Variants in CACNA2D3 observed in about 807,000 individuals in gnomAD.
CACNA2D3 encodes the protein calcium voltage-gated channel auxiliary subunit alpha2delta 3, also known as voltage-dependent calcium channel subunit alpha-2/delta-3.
Under a neutral mutation model 160.6 loss-of-function variants are expected in CACNA2D3, and 60 were observed. The ratio of observed to expected loss-of-function variants is 0.37; its 90% confidence interval spans 0.30 to 0.46. The LOEUF (loss-of-function observed/expected upper bound fraction) is 0.46. Among genes scored for constraint, CACNA2D3 ranks in the 20% least tolerant of loss-of-function variants. CACNA2D3 has a pLI of 1.00. For missense variants in CACNA2D3, 1,205 were observed against 1,365.0 expected, an observed-to-expected ratio of 0.88 and a Z score of 1.85; for synonymous variants, 558 against 492.9, an observed-to-expected ratio of 1.13 and a Z score of -1.75.
intron 27 of CACNA2D3, among the ~76,000 whole-genome samples, chr3:54,966,385 A>G (rs987039254): frequency 2.6e-5 from 4 of 152,220 alleles, no homozygotes; most frequent in African/African-American, 9.6e-5. Context: ...ATTCTCTGAA[A>G]TGTTCTCCAA....
At chr3:54,195,109 G>C (rs1057412372) in intron 2 of CACNA2D3, among the ~76,000 whole-genome samples, 1 of 152,150 alleles carries the variant, frequency 6.6e-6, no homozygotes, top group South Asian at 2.1e-4. Context: ...AATTATTTGA[G>C]GGAGGTTTCC....
intron 2 of CACNA2D3, among the ~76,000 whole-genome samples, chr3:54,290,609 C>T (rs1277436441): frequency 1.3e-5 from 2 of 150,398 alleles, no homozygotes; most frequent in Admixed American, 6.6e-5. Flanking sequence ...CACATGCACA[C>T]GTATGTTTAT....
At chr3:54,217,736 G>A (rs2107372366) in intron 2 of CACNA2D3, among the ~76,000 whole-genome samples, 1 of 152,282 alleles carries the variant, frequency 6.6e-6, no homozygotes, top group Middle Eastern at 3.4e-3. Context: ...ACATGGCCCT[G>A]CTGACATGTT....
At chr3:54,508,719 C>T (rs1036090630) in intron 5 of CACNA2D3, among the ~76,000 whole-genome samples, 4 of 152,174 alleles carry the variant, frequency 2.6e-5, no homozygotes, top group African/African-American at 9.7e-5. Flanking sequence ...TTGCAGGACA[C>T]AGGCTAGACC....
At chr3:54,195,558 C>T (rs1430552370) in intron 2 of CACNA2D3, among the ~76,000 whole-genome samples, 1 of 152,162 alleles carries the variant, frequency 6.6e-6, no homozygotes, top group Non-Finnish European at 1.5e-5. Context: ...CAGTTATAGT[C>T]CCCACTTTTG....
chr3:54,740,317 G>T (rs907074077), intron 11 of CACNA2D3, among the ~76,000 whole-genome samples: 2 of 152,092 alleles, frequency 1.3e-5, no homozygotes, highest in African/African-American at 2.4e-5. Flanking sequence ...TTTCTCTGGG[G>T]CTTCTCAAAA....
intron 13 of CACNA2D3, chr3:54,789,740 T>G (rs1702710586): frequency 1.3e-5 from 6 of 456,408 alleles, no homozygotes; most frequent in Non-Finnish European, 2.6e-5. Context: ...GAGCTTTCTC[T>G]AAAGCTCCTC....
At chr3:54,965,074 C>G (rs545424092) in intron 27 of CACNA2D3, among the ~76,000 whole-genome samples, 1 of 152,204 alleles carries the variant, frequency 6.6e-6, no homozygotes, top group East Asian at 1.9e-4. Flanking sequence ...TGTAAAGGAC[C>G]AATAGTAAAT....
At position 54,581,882 on chromosome 3, in the gene CACNA2D3, G is replaced by A. The variant is rs1439734428; in HGVS notation, c.963+5G>A. 2 of 1,612,934 alleles carry A rather than the reference G, an allele frequency of 1.2e-6. No individual in the cohort carries two copies. The highest frequency in any genetic ancestry group is 1.7e-6 in the Non-Finnish European group (2 of 1,179,326). On this transcript the variant is annotated splice_donor_5th_base_variant and intron_variant, in intron 9 of 37. Coordinates refer to ENST00000474759, the MANE Select transcript of CACNA2D3 (RefSeq NM_018398.3). ...GCCGACAGGACAAACAAAGAGGTAG[G>A]GGCAGCTCGGGGGAGCATTCCAGTC... is the stretch of plus-strand genomic sequence containing the variant.
intron 2 of CACNA2D3, among the ~76,000 whole-genome samples, chr3:54,318,592 A>T (rs939356135): frequency 2.0e-5 from 3 of 151,742 alleles, no homozygotes. Context: ...GAAGAGATCC[A>T]TTTTGAGGAC....
In CACNA2D3 at chr3:54,897,578, G is replaced by A. The variant is rs1408005322; in HGVS notation, c.2368+708G>A. On this transcript the variant is annotated intron_variant, in intron 26 of 37. Coordinates refer to ENST00000474759, the MANE Select transcript of CACNA2D3 (RefSeq NM_018398.3). ...TACTGCTTATTGCAGAAACTTGAGA[G>A]ATGAAGGAAACCTAGTTCTGTAAAC... Among the ~76,000 whole-genome samples the A allele has an allele frequency of 3.3e-5, 5 of 152,110 alleles. No individual in the cohort carries two copies. In the South Asian group the frequency reaches 6.2e-4, roughly 19 times the overall value.
chr3:54,507,485 C>T (rs1701389746), intron 5 of CACNA2D3, among the ~76,000 whole-genome samples: 1 of 152,154 alleles, frequency 6.6e-6, no homozygotes, highest in Non-Finnish European at 1.5e-5. Flanking sequence ...TTACCCCTGC[C>T]CATGCTCTTT....
intron 5 of CACNA2D3, among the ~76,000 whole-genome samples, chr3:54,510,045 G>C (rs1320188352): frequency 6.6e-6 from 1 of 152,166 alleles, no homozygotes; most frequent in Non-Finnish European, 1.5e-5. Context: ...TGTTTAGCCT[G>C]GAAGTTGCAT....
At chr3:54,126,033 G>A (rs1284583300) in intron 2 of CACNA2D3, among the ~76,000 whole-genome samples, 1 of 152,188 alleles carries the variant, frequency 6.6e-6, no homozygotes, top group African/African-American at 2.4e-5. Context: ...ATACTATGTT[G>A]TATAATAGAG....
chr3:54,975,837 G>A (rs1702378612), intron 29 of CACNA2D3, among the ~76,000 whole-genome samples: 1 of 152,034 alleles, frequency 6.6e-6, no homozygotes, highest in Non-Finnish European at 1.5e-5. Flanking sequence ...AGGGAGTCTA[G>A]GAACCTATAA....
In CACNA2D3 at chr3:54,123,599, G is replaced by C; in HGVS notation, c.204+5G>C. 1 of 1,610,812 alleles carries C rather than the reference G, an allele frequency of 6.2e-7. No individual in the cohort carries two copies. Among genetic ancestry groups the C allele is most frequent in the Non-Finnish European group, 8.5e-7 (1 of 1,177,064 alleles). On this transcript the variant is annotated splice_donor_5th_base_variant and intron_variant, in intron 2 of 37. Coordinates refer to ENST00000474759, the MANE Select transcript of CACNA2D3 (RefSeq NM_018398.3). ...GGTTCCCAGCTTCTGCAAAAGGTAA[G>C]GTTTCTGTGGTGGCAGGAAGCGATG...
intron 2 of CACNA2D3, among the ~76,000 whole-genome samples, chr3:54,248,809 G>A (rs567749451): frequency 2.0e-5 from 3 of 152,208 alleles, no homozygotes; most frequent in South Asian, 4.1e-4. Context: ...GGTTACTCCA[G>A]CAGATAAAGA....
chr3:54,466,936 C>G (rs1356013429), intron 4 of CACNA2D3, among the ~76,000 whole-genome samples: 1 of 152,156 alleles, frequency 6.6e-6, no homozygotes, highest in Non-Finnish European at 1.5e-5. Context: ...TCAGATGGTC[C>G]TGCTGGGTTC....
intron 13 of CACNA2D3, among the ~76,000 whole-genome samples, chr3:54,811,691 G>C (rs1387545952): frequency 6.6e-6 from 1 of 151,788 alleles, no homozygotes; most frequent in African/African-American, 2.4e-5. Flanking sequence ...AGTAGAGACA[G>C]GGTTTCGCCA....
Sources: gnomAD v4.1 joint callset for allele counts (sites outside exome capture counted in the v4.1 genomes callset) on GRCh38, gnomAD v4.1.1 for gene constraint, MANE v1.5 for transcripts, NCBI Gene and HGNC (gene_info 2026-07-23, HGNC 2026-07-21) for gene names.